B3GALT1: variants seen among roughly 807,000 people sequenced by gnomAD.
B3GALT1 encodes UDP-Gal:betaGlcNAc beta 1,3-galactosyltransferase, polypeptide 1.
Under a neutral mutation model 23.2 loss-of-function variants are expected in B3GALT1, and 10 were observed. That is an observed-to-expected ratio of 0.43 (90% CI 0.27 to 0.73). The LOEUF is 0.73. Among genes scored for constraint, B3GALT1 ranks in the 30% least tolerant of loss-of-function variants. B3GALT1 has a pLI of 0.21. For missense variants in B3GALT1, 299 were observed against 405.4 expected (o/e 0.74, Z 2.25); for synonymous variants, 156 against 141.5 (o/e 1.10, Z -0.73).
At chr2:167,622,917 A>G (rs1306413288) in intron 2 of B3GALT1, among the ~76,000 whole-genome samples, 1 of 152,068 alleles carries the variant, frequency 6.6e-6, no homozygotes, top group Non-Finnish European at 1.5e-5. Context: ...TGGAGTGTGA[A>G]CTGTAATCGT....
intron 3 of B3GALT1, among the ~76,000 whole-genome samples, chr2:167,717,112 T>G (rs1341570402): frequency 6.6e-6 from 1 of 152,196 alleles, no homozygotes; most frequent in Non-Finnish European, 1.5e-5. Flanking sequence ...CAGAAAGAAA[T>G]CTGACACAAC....
In B3GALT1 at chr2:167,755,751, C is replaced by T. The variant is rs1001741356; in HGVS notation, c.-351-62921C>T. On this transcript the variant is annotated intron_variant, in intron 3 of 4. Transcript: ENST00000392690. ...AGGAGGCCAAGGCAAGAGGATCAGT[C>T]GAGGCCAGGAGTTTGAGACCAGGCT... is the stretch of plus-strand genomic sequence containing the variant. Among the ~76,000 whole-genome samples the T allele has an allele frequency of 5.9e-5, 9 of 151,934 alleles. 1 individual carries two copies. The Middle Eastern group carries it at 0.01, about 175-fold the overall frequency.
chr2:167,648,169 AT>A (rs1685781258), intron 3 of B3GALT1, among the ~76,000 whole-genome samples: 1 of 152,116 alleles, frequency 6.6e-6, no homozygotes, highest in African/African-American at 2.4e-5. Context: ...TCATCTCCCT[AT>A]TATGATATCT....
chr2:167,331,999 T>C (rs1263513189), intron 1 of B3GALT1, among the ~76,000 whole-genome samples: 1 of 152,184 alleles, frequency 6.6e-6, no homozygotes, highest in Non-Finnish European at 1.5e-5. Flanking sequence ...GGATGCAGTC[T>C]GGTGAGGTGG....
At chr2:167,595,989 T>A (rs897117087) in intron 2 of B3GALT1, among the ~76,000 whole-genome samples, 2 of 152,216 alleles carry the variant, frequency 1.3e-5, no homozygotes, top group African/African-American at 4.8e-5. Flanking sequence ...CTAGGAGCCT[T>A]CCTAGAAGAG....
At position 167,669,225 on chromosome 2, in the gene B3GALT1, G is replaced by A. The variant is rs181163118; in HGVS notation, c.-352+22259G>A. Among the ~76,000 whole-genome samples, 7 of 152,212 alleles carry A rather than the reference G, an allele frequency of 4.6e-5. No individual in the cohort carries two copies. The East Asian group carries it at 1.4e-3, about 29-fold the overall frequency. On this transcript the variant is annotated intron_variant, in intron 3 of 4. Transcript: ENST00000392690. ...CAAAAGCTTCATAAGGGCTATTGATGTATACTTATTGAATGGTTCCATAAT... is the reference window on the plus strand; with the variant it reads ...CAAAAGCTTCATAAGGGCTATTGATATATACTTATTGAATGGTTCCATAAT...
At chr2:167,697,763 G>A (rs1686810233) in intron 3 of B3GALT1, among the ~76,000 whole-genome samples, 1 of 152,182 alleles carries the variant, frequency 6.6e-6, no homozygotes, top group Admixed American at 6.5e-5. Context: ...TTTCCCATGA[G>A]AGCATAGCTC....
At chr2:167,787,706 C>T (rs1201761836) in intron 3 of B3GALT1, among the ~76,000 whole-genome samples, 1 of 152,148 alleles carries the variant, frequency 6.6e-6, no homozygotes, top group African/African-American at 2.4e-5. Flanking sequence ...GCATGCTGCC[C>T]AGTGCTGCCA....
chr2:167,563,811 G>A (rs191576329), intron 2 of B3GALT1, among the ~76,000 whole-genome samples: 206 of 134,936 alleles, frequency 1.5e-3, no homozygotes, highest in African/African-American at 5.6e-3. Flanking sequence ...CGGAGGGAGC[G>A]GCTGGCCGGG....
chr2:167,550,396 A>G (rs573419387), intron 2 of B3GALT1, among the ~76,000 whole-genome samples: 107 of 152,224 alleles, frequency 7.0e-4, no homozygotes, highest in Non-Finnish European at 1.3e-3. Context: ...TGGCATTTTG[A>G]CTAAGAGCAA....
chr2:167,404,945 C>T (rs1698250216), intron 1 of B3GALT1, among the ~76,000 whole-genome samples: 1 of 152,144 alleles, frequency 6.6e-6, no homozygotes, highest in South Asian at 2.1e-4. Flanking sequence ...AATTTATAAA[C>T]TCATTTTGCT....
chr2:167,660,457 T>C (rs1158781304), intron 3 of B3GALT1, among the ~76,000 whole-genome samples: 1 of 152,124 alleles, frequency 6.6e-6, no homozygotes, highest in African/African-American at 2.4e-5. Flanking sequence ...TTCTCTAAGA[T>C]TGCAAAGGTA....
At chr2:167,855,673 G>C (rs1689987387) in intron 4 of B3GALT1, among the ~76,000 whole-genome samples, 1 of 152,154 alleles carries the variant, frequency 6.6e-6, no homozygotes, top group Admixed American at 6.5e-5. Context: ...TGGCAAGTGA[G>C]ATATTTTTCC....
intron 3 of B3GALT1, among the ~76,000 whole-genome samples, chr2:167,744,974 A>T (rs1230402802): frequency 6.6e-6 from 1 of 152,138 alleles, no homozygotes; most frequent in Non-Finnish European, 1.5e-5. Flanking sequence ...GCAATTTAAG[A>T]TCATTTACAT....
At chr2:167,382,645 C>T (rs1358859296) in intron 1 of B3GALT1, among the ~76,000 whole-genome samples, 1 of 152,188 alleles carries the variant, frequency 6.6e-6, no homozygotes, top group Admixed American at 6.5e-5. Context: ...GTGAACTACA[C>T]ACCTTGAAAT....
intron 3 of B3GALT1, among the ~76,000 whole-genome samples, chr2:167,764,944 T>C (rs1420982043): frequency 6.6e-6 from 1 of 152,132 alleles, no homozygotes; most frequent in Non-Finnish European, 1.5e-5. Context: ...AATGAGCTCT[T>C]TCTTTAGGTA....
At chr2:167,667,217 T>A (rs1686215173) in intron 3 of B3GALT1, among the ~76,000 whole-genome samples, 1 of 152,134 alleles carries the variant, frequency 6.6e-6, no homozygotes, top group African/African-American at 2.4e-5. Flanking sequence ...TGAAGCTTAG[T>A]TTGGCTGGAT....
chr2:167,464,324 T>C (rs1413972597), intron 1 of B3GALT1, among the ~76,000 whole-genome samples: 2 of 152,204 alleles, frequency 1.3e-5, no homozygotes, highest in African/African-American at 2.4e-5. Flanking sequence ...GTATGAAATA[T>C]AATCATTCTT....
chr2:167,572,765 G>A (rs545736195), intron 2 of B3GALT1, among the ~76,000 whole-genome samples: 2 of 151,744 alleles, frequency 1.3e-5, no homozygotes, highest in Non-Finnish European at 3.0e-5. Flanking sequence ...AAATATGTCC[G>A]TATTTTTACT....
Sources: allele counts gnomAD v4.1 joint callset (sites outside exome capture counted in the v4.1 genomes callset), GRCh38; gene constraint gnomAD v4.1.1; transcripts MANE v1.5; gene names NCBI Gene and HGNC (gene_info 2026-07-23, HGNC 2026-07-21).